The following CLDN12 variants were observed in gnomAD, a reference collection of about 807,000 sequenced individuals.
CLDN12 encodes the protein claudin-12.
CLDN12 carries 9 observed loss-of-function variants against 15.5 expected under a neutral mutation model. The observed-to-expected ratio is 0.58, with a 90% CI of 0.35 to 1.02. CLDN12 has a LOEUF of 1.02. Among genes scored for constraint, CLDN12 ranks in the 50% least tolerant of loss-of-function variants. The pLI is 0.02. For synonymous variants in CLDN12, 140 were observed against 121.6 expected (o/e 1.15, Z -1.00); for missense variants, 233 against 297.3 (o/e 0.78, Z 1.59).
Position 90,413,117 on chromosome 7 carries a change from C to T in CLDN12, c.441C>T (p.Ser147=). Reference sequence around the variant, plus strand: ...TATTTTTCCTGGCAGGTACTGTGAGCCTCTCCCCATCTATCTGGGTCATCT... The same window carrying T: ...TATTTTTCCTGGCAGGTACTGTGAGTCTCTCCCCATCTATCTGGGTCATCT... ...GLLFFLAGTV[S]LSPSIWVIFY... is the part of the protein sequence containing the mutation. The change falls in exon 4 of 4, where the codon AGC becomes AGT. Residue 147 remains serine, a synonymous_variant. Transcript: ENST00000496677. The T allele has an allele frequency of 6.2e-7, 1 of 1,614,164 alleles. No homozygotes were observed. The highest frequency in any genetic ancestry group is 2.2e-5 in the East Asian group (1 of 44,888).
chr7:90,409,710 G>A (rs142332255), intron 2 of CLDN12, among the ~76,000 whole-genome samples: 294 of 152,158 alleles, frequency 1.9e-3, no homozygotes, highest in African/African-American at 6.3e-3. Flanking sequence ...TTATGAACAG[G>A]TACCTTATTC....
intron 1 of CLDN12, 60 bp downstream of exon 1, chr7:90,403,609 A>T (rs1206623270): frequency 2.0e-5 from 3 of 152,220 alleles, no homozygotes; most frequent in Admixed American, 6.5e-5. Flanking sequence ...TGAGGATTTT[A>T]TGTAAAATGG....
chr7:90,415,521 T>C lies in CLDN12; in HGVS notation c.*2110T>C, dbSNP rs930764716. On this transcript the variant is annotated 3_prime_UTR_variant, in exon 4 of 4. Transcript: ENST00000496677. ...ATAAGAATATTTTGGCTTTGTAATC[T>C]ATAGCCTCAAATTGGTATTTATTAT... 2 of 166,594 alleles carry C rather than the reference T, an allele frequency of 1.2e-5. No individual in the cohort carries two copies. The allele number at this position is 166,594 out of a possible 1,614,324, so 10.3% of individuals were successfully genotyped here. A position where few individuals can be genotyped will look rare whatever the true frequency, so the allele number is the denominator to read the frequency against.
intron 2 of CLDN12, among the ~76,000 whole-genome samples, chr7:90,406,241 C>G (rs917058719): frequency 5.3e-5 from 8 of 152,230 alleles, no homozygotes; most frequent in African/African-American, 1.9e-4. Flanking sequence ...ACTGTTCCTG[C>G]TCCAGCCTTC....
Position 90,412,710 on chromosome 7 carries a change from C to T in CLDN12, c.34C>T (p.Leu12Phe). ...TCGGGATGTCCACGCAGCCACAGTC[C>T]TTTCCTTCCTGTGTGGAATCGCCTC... ...GCRDVHAATV[L>F]SFLCGIASVA... is the part of the protein sequence containing the mutation. Residue 12 changes from leucine (L) to phenylalanine (F), a missense_variant, in exon 4 of 4, where the codon CTT becomes TTT. Coordinates refer to ENST00000496677, the MANE Select transcript of CLDN12 (RefSeq NM_001185072.3). The T allele has an allele frequency of 6.2e-7, 1 of 1,614,014 alleles. No homozygotes were observed. Among genetic ancestry groups the T allele is most frequent in the Non-Finnish European group, 8.5e-7 (1 of 1,179,890 alleles).
rs572630149 is a variant in CLDN12 at position 90,407,490 on chromosome 7, T to G, written c.-77+1882T>G. 4.6e-5 allele frequency among the ~76,000 whole-genome samples: 7 copies of G among 152,336 alleles called. No homozygotes were observed. The South Asian group carries it at 1.4e-3, about 32-fold the overall frequency. ...ACTGAGACTAAATTTCTGTCTGTATTCTGACCAGAGTTATACAGAACCTCC... is the reference window on the plus strand; with the variant it reads ...ACTGAGACTAAATTTCTGTCTGTATGCTGACCAGAGTTATACAGAACCTCC... On this transcript the variant is annotated intron_variant, in intron 2 of 3. Transcript: ENST00000496677.
intron 2 of CLDN12, among the ~76,000 whole-genome samples, chr7:90,408,647 T>G (rs914615061): frequency 1.3e-5 from 2 of 152,148 alleles, no homozygotes; most frequent in African/African-American, 4.8e-5. Context: ...AAATTTAGCT[T>G]AAGAATTAAG....
intron 2 of CLDN12, among the ~76,000 whole-genome samples, chr7:90,407,189 C>T (rs567802645): frequency 2.6e-5 from 4 of 152,250 alleles, no homozygotes; most frequent in East Asian, 1.9e-4. Context: ...TGAGCCACCA[C>T]GCCGCGCCAG....
At position 90,413,443 on chromosome 7, in the gene CLDN12, C is replaced by T; in HGVS notation, c.*32C>T. ...AATAGTTAATTGTTAAAGAAAACTT[C>T]TTGTAGCCTCACATTCCCCTTGTGC... On this transcript the variant is annotated 3_prime_UTR_variant, in exon 4 of 4. Transcript: ENST00000496677. 1 of 1,593,410 alleles carries T rather than the reference C, an allele frequency of 6.3e-7. No individual in the cohort carries two copies. The highest frequency in any genetic ancestry group is 1.1e-5 in the South Asian group (1 of 87,768).
In CLDN12 at chr7:90,413,787, A is replaced by G. The variant is rs921560776; in HGVS notation, c.*376A>G. ...TCAGTGTGTATTTTTCTTTTTCTAT[A>G]ATACCTTTAACTGCAAAGAAAAGGC... On this transcript the variant is annotated 3_prime_UTR_variant, in exon 4 of 4. Transcript: ENST00000496677. 9.9e-7 allele frequency: 1 copy of G among 1,013,704 alleles called. No homozygotes were observed. Among genetic ancestry groups the G allele is most frequent in the Non-Finnish European group, 1.2e-6 (1 of 839,076 alleles). The allele number at this position is 1,013,704 out of a possible 1,614,324, so 62.8% of individuals were successfully genotyped here. A position where few individuals can be genotyped will look rare whatever the true frequency, so the allele number is the denominator to read the frequency against.
In CLDN12 at chr7:90,413,709, T is replaced by A; in HGVS notation, c.*298T>A. On this transcript the variant is annotated 3_prime_UTR_variant, in exon 4 of 4. Transcript: ENST00000496677. ...ACAATTGAGGTAATGTAGAGCAACA[T>A]GTTAAAGAATGATGGTTAGCAGAAG... The A allele has an allele frequency of 9.0e-7, 1 of 1,106,762 alleles. No individual in the cohort carries two copies. Among genetic ancestry groups the A allele is most frequent in the Non-Finnish European group, 1.1e-6 (1 of 899,638 alleles). The allele number at this position is 1,106,762 out of a possible 1,614,324, so 68.6% of individuals were successfully genotyped here.
Position 90,414,144 on chromosome 7 carries a change from A to T in CLDN12, c.*733A>T. ...GTTAGTGTTTCCTCTGAGGCAGAAAACTCTTTTTTGGAGATATCTTCCATC... is the reference window on the plus strand; with the variant it reads ...GTTAGTGTTTCCTCTGAGGCAGAAATCTCTTTTTTGGAGATATCTTCCATC... On this transcript the variant is annotated 3_prime_UTR_variant, in exon 4 of 4. Transcript: ENST00000496677. 2 of 998,908 alleles carry T rather than the reference A, an allele frequency of 2.0e-6. No individual in the cohort carries two copies. Among genetic ancestry groups the T allele is most frequent in the Non-Finnish European group, 2.4e-6 (2 of 829,640 alleles). 61.9% of individuals were successfully genotyped at this position (998,908 alleles called of 1,614,324 possible). A position where few individuals can be genotyped will look rare whatever the true frequency, so the allele number is the denominator to read the frequency against.
Sources: allele counts gnomAD v4.1 joint callset (sites outside exome capture counted in the v4.1 genomes callset), GRCh38; gene constraint gnomAD v4.1.1; transcripts MANE v1.5; gene names NCBI Gene and HGNC (gene_info 2026-07-23, HGNC 2026-07-21).